Variants in ROCK1 observed in about 807,000 individuals in gnomAD.
The protein encoded by ROCK1 is rho-associated protein kinase 1.
Under a neutral mutation model 196.8 loss-of-function variants are expected in ROCK1, and 36 were observed. The ratio of observed to expected loss-of-function variants is 0.18; its 90% CI spans 0.14 to 0.24. The LOEUF is 0.24. ROCK1 is among the 10% of genes least tolerant of loss of function. The probability of loss-of-function intolerance (pLI) is 1.00; values close to 1 mark genes in which losing one functional copy is unlikely to be tolerated. For synonymous variants in ROCK1, 443 were observed against 515.9 expected (o/e 0.86, Z 1.91); for missense variants, 920 against 1,562.0 (o/e 0.59, Z 6.93).
intron 2 of ROCK1, among the ~76,000 whole-genome samples, chr18:21,069,230 A>G (rs1273926501): frequency 6.6e-6 from 1 of 152,098 alleles, no homozygotes; most frequent in Non-Finnish European, 1.5e-5. Context: ...TTTTTAAAAT[A>G]TGTTAATGTG....
chr18:21,032,150 C>T (rs1264435733), intron 9 of ROCK1, among the ~76,000 whole-genome samples: 1 of 152,126 alleles, frequency 6.6e-6, no homozygotes, highest in East Asian at 1.9e-4. Context: ...CCAAAAGCTC[C>T]ACATGAAGAC....
intron 9 of ROCK1, among the ~76,000 whole-genome samples, chr18:21,038,207 G>T (rs182215903): frequency 6.6e-6 from 1 of 152,158 alleles, no homozygotes; most frequent in African/African-American, 2.4e-5. Flanking sequence ...TCTTTGTCAT[G>T]CAACAATTTC....
chr18:21,009,500 A>T (rs952082271), intron 13 of ROCK1, among the ~76,000 whole-genome samples: 1 of 152,128 alleles, frequency 6.6e-6, no homozygotes, highest in African/African-American at 2.4e-5. Context: ...TTACAAATAG[A>T]GCTGTTATAA....
intron 18 of ROCK1, among the ~76,000 whole-genome samples, chr18:20,990,731 A>C (rs1598519880): frequency 6.6e-6 from 1 of 150,494 alleles, no homozygotes; most frequent in East Asian, 1.9e-4. Context: ...GGAAAGTATC[A>C]AAAGGAAGGC....
intron 9 of ROCK1, among the ~76,000 whole-genome samples, chr18:21,037,929 T>C (rs562514404): frequency 5.9e-5 from 9 of 152,280 alleles, no homozygotes; most frequent in Non-Finnish European, 7.4e-5. Context: ...GGTTTTTCAA[T>C]ACATAAAAGG....
intron 2 of ROCK1, among the ~76,000 whole-genome samples, chr18:21,053,441 T>A (rs924554290): frequency 1.3e-5 from 2 of 152,236 alleles, no homozygotes; most frequent in Non-Finnish European, 2.9e-5. Context: ...CAAAGTACAC[T>A]GTATTCCTTT....
chr18:20,999,556 C>A (rs2035704241), intron 16 of ROCK1, among the ~76,000 whole-genome samples: 1 of 152,024 alleles, frequency 6.6e-6, no homozygotes, highest in Non-Finnish European at 1.5e-5. Flanking sequence ...CCTTTAAGAG[C>A]ATCAAAAAGA....
intron 21 of ROCK1, among the ~76,000 whole-genome samples, chr18:20,980,680 G>A (rs2035523277): frequency 6.6e-6 from 1 of 152,120 alleles, no homozygotes; most frequent in South Asian, 2.1e-4. Flanking sequence ...ACTTTGGGAG[G>A]CCAAGGCGGG....
chr18:21,108,667 T>C (rs1365297114), intron 1 of ROCK1, among the ~76,000 whole-genome samples: 2 of 152,176 alleles, frequency 1.3e-5, no homozygotes, highest in African/African-American at 4.8e-5. Flanking sequence ...GCCAATAAAG[T>C]TCCATTAATT....
chr18:21,093,924 C>A (rs1420620391), intron 1 of ROCK1, among the ~76,000 whole-genome samples: 4 of 149,816 alleles, frequency 2.7e-5, no homozygotes, highest in Non-Finnish European at 5.9e-5. Context: ...CCACTGCACT[C>A]CAGCTTGGGT....
At chr18:21,013,967 G>A (rs1046342578) in intron 13 of ROCK1, among the ~76,000 whole-genome samples, 4 of 151,618 alleles carry the variant, frequency 2.6e-5, no homozygotes, top group African/African-American at 9.7e-5. Flanking sequence ...TCGGGAGGCT[G>A]AGGCAGGAGA....
intron 20 of ROCK1, among the ~76,000 whole-genome samples, chr18:20,983,689 T>A (rs1419737525): frequency 5.9e-5 from 9 of 152,168 alleles, no homozygotes. Context: ...AACACACTTT[T>A]GCGAAAACGG....
chr18:21,090,247 C>T (rs1159800032), intron 1 of ROCK1, among the ~76,000 whole-genome samples: 8 of 152,092 alleles, frequency 5.3e-5, no homozygotes, highest in South Asian at 2.1e-4. Flanking sequence ...GAGGATCCCT[C>T]GAACCTAATA....
chr18:20,965,729 G>A (rs2035368336), intron 27 of ROCK1, among the ~76,000 whole-genome samples: 1 of 152,152 alleles, frequency 6.6e-6, no homozygotes, highest in Admixed American at 6.5e-5. Context: ...TTCTCAAGAG[G>A]TAGGCAGTTT....
chr18:21,067,520 T>C (rs1428334490), intron 2 of ROCK1, among the ~76,000 whole-genome samples: 1 of 151,904 alleles, frequency 6.6e-6, no homozygotes, highest in Non-Finnish European at 1.5e-5. Context: ...CTGAAGTAGC[T>C]GGGATTACAG....
At chr18:21,109,825 T>A (rs1223104865) in intron 1 of ROCK1, among the ~76,000 whole-genome samples, 2 of 152,212 alleles carry the variant, frequency 1.3e-5, no homozygotes, top group Non-Finnish European at 2.9e-5. Flanking sequence ...TGAATGGTAT[T>A]ATTTTGTTTC....
intron 8 of ROCK1, among the ~76,000 whole-genome samples, chr18:21,041,774 A>C (rs9953184): frequency 0.01 from 1,546 of 152,192 alleles, 20 homozygotes; most frequent in African/African-American, 0.036. Context: ...AATTTCAGAG[A>C]TGTTATGTTA....
chr18:20,952,369 G>A (rs1171637946), intron 32 of ROCK1, among the ~76,000 whole-genome samples: 7 of 146,140 alleles, frequency 4.8e-5, no homozygotes, highest in East Asian at 4.1e-4. Flanking sequence ...GTGACAGAGC[G>A]AGACTCTGTC....
chr18:21,070,308 T>C (rs2036372929), intron 2 of ROCK1, among the ~76,000 whole-genome samples: 1 of 152,194 alleles, frequency 6.6e-6, no homozygotes, highest in South Asian at 2.1e-4. Flanking sequence ...CACAGTTTTT[T>C]GAATACTTAT....
Sources: allele counts gnomAD v4.1 joint callset (sites outside exome capture counted in the v4.1 genomes callset), GRCh38; gene constraint gnomAD v4.1.1; transcripts MANE v1.5; gene names NCBI Gene and HGNC (gene_info 2026-07-23, HGNC 2026-07-21).